TMCC3: variants seen among roughly 807,000 people sequenced by gnomAD.
The protein encoded by TMCC3 is transmembrane and coiled-coil domain family 3.
Under a neutral mutation model 40.2 loss-of-function variants are expected in TMCC3, and 28 were observed. That is an observed-to-expected ratio of 0.70 (90% CI 0.52 to 0.95). TMCC3 has a LOEUF of 0.95. Ranked by LOEUF, TMCC3 falls within the 40% of genes least tolerant of loss-of-function variation. TMCC3 has a pLI of 0.00. For synonymous variants in TMCC3, 255 were observed against 248.5 expected, an observed-to-expected ratio of 1.03 and a Z score of -0.25; for missense variants, 554 against 615.2, an observed-to-expected ratio of 0.90 and a Z score of 1.05.
chr12:94,641,274 G>A (rs2068989236), intron 1 of TMCC3, among the ~76,000 whole-genome samples: 1 of 152,076 alleles, frequency 6.6e-6, no homozygotes, highest in Non-Finnish European at 1.5e-5. Flanking sequence ...AGCAGCTCAG[G>A]CATCTGGTTT....
At chr12:94,646,545 TC>T (rs1244368287) in intron 1 of TMCC3, among the ~76,000 whole-genome samples, 2 of 150,280 alleles carry the variant, frequency 1.3e-5, no homozygotes, top group African/African-American at 4.9e-5. Context: ...TTCAAGAGAT[TC>T]TCCTGCCTCA....
intron 1 of TMCC3, among the ~76,000 whole-genome samples, chr12:94,585,358 C>T (rs79895460): frequency 0.048 from 7,369 of 152,186 alleles, 345 homozygotes; most frequent in African/African-American, 0.12. Flanking sequence ...ACAATGCCTG[C>T]CACCCATTTA....
At chr12:94,610,118 T>G (rs2068806759) in intron 1 of TMCC3, 1 of 152,118 alleles carries the variant, frequency 6.6e-6, no homozygotes, top group Non-Finnish European at 1.5e-5. Context: ...CGAATGGATA[T>G]TATGCAACGA....
At chr12:94,592,681 A>AAAAAAAAAAAAAAAAAAAAAAAAAC in intron 1 of TMCC3, among the ~76,000 whole-genome samples, 1 of 148,532 alleles carries the variant, frequency 6.7e-6, no homozygotes. Flanking sequence ...AAAAAAAAAA[A>AAAAAAAAAAAAAAAAAAAAAAAAAC]AATTCTATTT....
At chr12:94,614,756 G>C (rs920522690) in intron 1 of TMCC3, among the ~76,000 whole-genome samples, 32 of 149,842 alleles carry the variant, frequency 2.1e-4, no homozygotes, top group African/African-American at 7.5e-4. Context: ...TTAAACAACA[G>C]ACAGATTTTT....
At chr12:94,648,080 G>A (rs1265968655) in intron 1 of TMCC3, among the ~76,000 whole-genome samples, 2 of 152,102 alleles carry the variant, frequency 1.3e-5, no homozygotes, top group African/African-American at 4.8e-5. Flanking sequence ...CACTAGATCT[G>A]ACTGGCCCAA....
chr12:94,602,978 AG>A (rs2068761716), intron 1 of TMCC3, among the ~76,000 whole-genome samples: 1 of 152,218 alleles, frequency 6.6e-6, no homozygotes, highest in Admixed American at 6.5e-5. Context: ...TGTTACTATT[AG>A]GTCTGTAAGG....
chr12:94,624,958 T>C (rs2068895629), intron 1 of TMCC3, among the ~76,000 whole-genome samples: 1 of 151,338 alleles, frequency 6.6e-6, no homozygotes, highest in Non-Finnish European at 1.5e-5. Context: ...CTGGTCAACA[T>C]GGTGAAACCT....
chr12:94,583,909 C>T (rs1479704051), intron 1 of TMCC3, among the ~76,000 whole-genome samples: 1 of 152,194 alleles, frequency 6.6e-6, no homozygotes, highest in Non-Finnish European at 1.5e-5. Flanking sequence ...AAGATCCAAA[C>T]TGAAGCATCT....
intron 2 of TMCC3, among the ~76,000 whole-genome samples, 169 bp from the exon 3 acceptor site, chr12:94,578,698 T>G (rs1386565031): frequency 6.6e-6 from 1 of 152,222 alleles, no homozygotes; most frequent in Non-Finnish European, 1.5e-5. Context: ...TGGATAACAC[T>G]GAGTCCCAGC....
rs2068524769 is a variant in TMCC3 at position 94,571,132 on chromosome 12, T to C, written c.*303A>G. 3.2e-6 allele frequency: 1 copy of C among 315,536 alleles called. No homozygotes were observed. The highest frequency in any genetic ancestry group is 5.9e-6 in the Non-Finnish European group (1 of 170,414). The allele number at this position is 315,536 out of a possible 1,614,324, so 19.5% of individuals were successfully genotyped here. ...AGACCTCTTTCTTCAGGATCACCAATTATGCCAAGGTCTCAATATACAGAG... is the reference window on the plus strand; with the variant it reads ...AGACCTCTTTCTTCAGGATCACCAACTATGCCAAGGTCTCAATATACAGAG... On this transcript the variant is annotated 3_prime_UTR_variant, in exon 4 of 4. Transcript: ENST00000261226.
chr12:94,649,912 C>T (rs760046495), intron 1 of TMCC3, among the ~76,000 whole-genome samples: 3 of 152,194 alleles, frequency 2.0e-5, no homozygotes, highest in Non-Finnish European at 4.4e-5. Flanking sequence ...CCACACGCCC[C>T]GAGGACAGGG....
At chr12:94,613,724 G>C (rs73375875) in intron 1 of TMCC3, 14 of 152,052 alleles carry the variant, frequency 9.2e-5, no homozygotes, top group African/African-American at 3.4e-4. Context: ...TGGGTATAAC[G>C]TACAGGGGTG....
chr12:94,619,406 C>T (rs1253406667), intron 1 of TMCC3, among the ~76,000 whole-genome samples: 1 of 152,214 alleles, frequency 6.6e-6, no homozygotes, highest in African/African-American at 2.4e-5. Context: ...CTAAGCCAGT[C>T]CCTAGCTTTT....
At chr12:94,581,391 C>T (rs565670866) in intron 2 of TMCC3, among the ~76,000 whole-genome samples, 6 of 152,166 alleles carry the variant, frequency 3.9e-5, no homozygotes, top group South Asian at 2.1e-4. Flanking sequence ...GATTGCTAAA[C>T]GCCCTTTAAT....
chr12:94,624,331 A>G (rs1411267262), intron 1 of TMCC3, among the ~76,000 whole-genome samples: 2 of 152,232 alleles, frequency 1.3e-5, no homozygotes, highest in East Asian at 3.8e-4. Flanking sequence ...CTTACACAGA[A>G]GTGTTCATAG....
intron 1 of TMCC3, among the ~76,000 whole-genome samples, chr12:94,583,866 G>A (rs755769819): frequency 3.3e-5 from 5 of 152,196 alleles, no homozygotes; most frequent in Non-Finnish European, 7.3e-5. Context: ...ACAGCTCTTT[G>A]TAGAGTTCAA....
At chr12:94,592,725 T>C (rs983094753) in intron 1 of TMCC3, among the ~76,000 whole-genome samples, 1 of 146,438 alleles carries the variant, frequency 6.8e-6, no homozygotes, top group African/African-American at 2.5e-5. Flanking sequence ...CTCATTACTC[T>C]GGAATTAGGG....
chr12:94,591,653 G>C (rs1321439758), intron 1 of TMCC3, among the ~76,000 whole-genome samples: 2 of 152,176 alleles, frequency 1.3e-5, no homozygotes, highest in Non-Finnish European at 2.9e-5. Context: ...CTACTCGGGA[G>C]GTTGAGGCAC....
Sources: gnomAD v4.1 joint callset for allele counts (sites outside exome capture counted in the v4.1 genomes callset) on GRCh38, gnomAD v4.1.1 for gene constraint, MANE v1.5 for transcripts, NCBI Gene and HGNC (gene_info 2026-07-23, HGNC 2026-07-21) for gene names.